The following TMEM131L variants were observed in gnomAD, a reference collection of about 807,000 sequenced individuals.
TMEM131L encodes transmembrane 131 like.
TMEM131L carries 54 observed loss-of-function variants against 192.2 expected under a neutral mutation model. That is an observed-to-expected ratio of 0.28 (90% CI 0.23 to 0.35). The LOEUF is 0.35. Ranked by LOEUF, TMEM131L falls within the 10% of genes least tolerant of loss-of-function variation. The pLI, the probability that TMEM131L is intolerant of heterozygous loss-of-function variation, is 1.00. For missense variants in TMEM131L, 1,888 were observed against 1,972.9 expected, an observed-to-expected ratio of 0.96 and a Z score of 0.82; for synonymous variants, 701 against 704.9, an observed-to-expected ratio of 0.99 and a Z score of 0.09.
intron 9 of TMEM131L, among the ~76,000 whole-genome samples, chr4:153,582,610 C>T (rs1298370648): frequency 6.6e-6 from 1 of 151,824 alleles, no homozygotes; most frequent in East Asian, 1.9e-4. Context: ...ACAGCCTTTA[C>T]CTTTCAGTCT....
At position 153,596,431 on chromosome 4, in the gene TMEM131L, A is replaced by G. The variant is rs753531512; in HGVS notation, c.2123+46A>G. Reference sequence around the variant, plus strand: ...GAATCTGTTTCTTTCTCAATGACTCATCTGTGTAAATCTCTTTAGCTGATA... The same window carrying G: ...GAATCTGTTTCTTTCTCAATGACTCGTCTGTGTAAATCTCTTTAGCTGATA... On this transcript the variant is annotated intron_variant, in intron 20 of 34. Transcript: ENST00000409959. The G allele has an allele frequency of 5.6e-6, 9 of 1,600,454 alleles. No homozygotes were observed. The South Asian group carries it at 6.6e-5, about 12-fold the overall frequency.
At chr4:153,482,872 T>G (rs1216235986) in intron 3 of TMEM131L, among the ~76,000 whole-genome samples, 1 of 152,216 alleles carries the variant, frequency 6.6e-6, no homozygotes, top group Non-Finnish European at 1.5e-5. Flanking sequence ...ATTACAGGCG[T>G]GAGCCATCGT....
chr4:153,635,409 T>G, intron 33 of TMEM131L, 23 bp from the exon 34 acceptor site: 1 of 1,611,160 alleles, frequency 6.2e-7, no homozygotes, highest in Non-Finnish European at 8.5e-7. Context: ...TTACCTATGA[T>G]GATATTCTCC....
chr4:153,492,204 G>T (rs1285910526), intron 3 of TMEM131L, among the ~76,000 whole-genome samples: 1 of 151,906 alleles, frequency 6.6e-6, no homozygotes, highest in African/African-American at 2.4e-5. Context: ...TTAAAAGATG[G>T]AGGTCTCACT....
chr4:153,570,483 A>G (rs2150603277), intron 7 of TMEM131L, among the ~76,000 whole-genome samples: 1 of 152,266 alleles, frequency 6.6e-6, no homozygotes, highest in South Asian at 2.1e-4. Context: ...ACCTGTGCAT[A>G]CCACTGCTCT....
In TMEM131L at chr4:153,636,502, A is replaced by G. The variant is rs142074405; in HGVS notation, c.4759A>G (p.Ile1587Val). The stretch of plus-strand genomic sequence containing the variant: ...GTTTCGCGCCTATATGAACCTGGAC[A>G]TATGGACTACCACAGCGAATAGGAA... ...NPFRAYMNLDIWTTTANRNAN... is the reference protein window; with the variant it reads ...NPFRAYMNLDVWTTTANRNAN... The change falls in exon 35 of 35, where the codon ATA (isoleucine) becomes GTA (valine). Residue 1587 changes from isoleucine (I) to valine (V), a missense_variant. By Grantham distance (29) the Ile-to-Val change is conservative. Transcript: ENST00000409959. The G allele has an allele frequency of 3.1e-6, 5 of 1,614,120 alleles. No homozygotes were observed. The African/African-American group carries it at 4.0e-5, about 13-fold the overall frequency.
At chr4:153,566,516 TGA>T (rs1554034166) in intron 7 of TMEM131L, among the ~76,000 whole-genome samples, 18 of 112,824 alleles carry the variant, frequency 1.6e-4, no homozygotes, top group African/African-American at 2.0e-4. Flanking sequence ...TGTGTGAGTG[TGA>T]GTGTGTGTGT....
intron 3 of TMEM131L, among the ~76,000 whole-genome samples, chr4:153,540,186 A>G (rs991637081): frequency 6.6e-6 from 1 of 152,176 alleles, no homozygotes; most frequent in African/African-American, 2.4e-5. Flanking sequence ...GTTTTAGTAA[A>G]ATATTATTCC....
chr4:153,634,130 AT>A (rs1734407355), intron 32 of TMEM131L, 61 bp from the exon 33 acceptor site: 4 of 1,411,254 alleles, frequency 2.8e-6, no homozygotes, highest in Non-Finnish European at 3.0e-6. Flanking sequence ...ATCATTTTCC[AT>A]TTTCTTTACT....
intron 3 of TMEM131L, among the ~76,000 whole-genome samples, chr4:153,486,787 GAGTGGTGGAACCA>G (rs1732368014): frequency 1.3e-5 from 2 of 152,228 alleles, no homozygotes; most frequent in African/African-American, 2.4e-5. Flanking sequence ...CACGCCTGTG[GAGTGGTGGAACCA>G]CGTGATCAGC....
chr4:153,467,165 T>G lies in TMEM131L; in HGVS notation c.125-46T>G, dbSNP rs1046954823. The stretch of plus-strand genomic sequence containing the variant: ...CGGTAGGGGAAACAGGAAGCGTTTC[T>G]TTAGCGTGCATTAAAAACGTGGTGT... On this transcript the variant is annotated intron_variant, in intron 1 of 34. Coordinates refer to ENST00000409959, the MANE Select transcript of TMEM131L (RefSeq NM_001131007.2). 6 of 1,535,282 alleles carry G rather than the reference T, an allele frequency of 3.9e-6. No homozygotes were observed. The African/African-American group carries it at 6.9e-5, about 18-fold the overall frequency.
chr4:153,518,882 G>A (rs1199675173), intron 3 of TMEM131L, among the ~76,000 whole-genome samples: 1 of 152,094 alleles, frequency 6.6e-6, no homozygotes, highest in East Asian at 1.9e-4. Context: ...GCCCTTTTCT[G>A]TTTACTCCAT....
chr4:153,540,283 A>C (rs963284043), intron 3 of TMEM131L, among the ~76,000 whole-genome samples: 1 of 152,182 alleles, frequency 6.6e-6, no homozygotes, highest in Non-Finnish European at 1.5e-5. Context: ...TTTTTATCTT[A>C]TCAGCCTTTC....
At chr4:153,623,665 A>G (rs1733613331) in intron 29 of TMEM131L, among the ~76,000 whole-genome samples, 2 of 152,232 alleles carry the variant, frequency 1.3e-5, no homozygotes, top group Non-Finnish European at 2.9e-5. Flanking sequence ...GTTCAAAAAC[A>G]TTGTAGCATG....
chr4:153,586,295 A>G lies in TMEM131L; in HGVS notation c.1398A>G (p.Ile466Met). Reference sequence around the variant, plus strand: ...AACTTGCTGTTAAAGACATTGCCATAAATCTATTCACCAATGTATTTTTGA... The same window carrying G: ...AACTTGCTGTTAAAGACATTGCCATGAATCTATTCACCAATGTATTTTTGA... ...SLKLAVKDIA[I>M]NLFTNVFLTT... The change falls in exon 14 of 35, where the codon ATA becomes ATG. Residue 466 changes from isoleucine (I) to methionine (M), a missense_variant. Transcript: ENST00000409959. 2 of 1,605,026 alleles carry G rather than the reference A, an allele frequency of 1.2e-6. No homozygotes were observed. The highest frequency in any genetic ancestry group is 1.3e-5 in the African/African-American group (1 of 74,638).
At chr4:153,485,598 G>C (rs1250973958) in intron 3 of TMEM131L, among the ~76,000 whole-genome samples, 3 of 152,206 alleles carry the variant, frequency 2.0e-5, no homozygotes, top group Non-Finnish European at 2.9e-5. Context: ...TTTGAGGGTT[G>C]TAACTACCTT....
At chr4:153,480,065 C>G (rs1385675762) in intron 3 of TMEM131L, among the ~76,000 whole-genome samples, 1 of 152,154 alleles carries the variant, frequency 6.6e-6, no homozygotes, top group African/African-American at 2.4e-5. Context: ...ATAGGCTGGG[C>G]GCGGTGGCTC....
At chr4:153,553,871 A>G (rs1297462036) in intron 4 of TMEM131L, among the ~76,000 whole-genome samples, 1 of 152,224 alleles carries the variant, frequency 6.6e-6, no homozygotes, top group Admixed American at 6.5e-5. Flanking sequence ...CTAGTGAAGG[A>G]AATTTATATC....
At chr4:153,552,307 G>C (rs1161584081) in intron 4 of TMEM131L, among the ~76,000 whole-genome samples, 1 of 152,162 alleles carries the variant, frequency 6.6e-6, no homozygotes, top group East Asian at 1.9e-4. Flanking sequence ...AATAGTAGTA[G>C]TAAGTATAGC....
Sources: gnomAD v4.1 joint callset for allele counts (sites outside exome capture counted in the v4.1 genomes callset) on GRCh38, gnomAD v4.1.1 for gene constraint, MANE v1.5 for transcripts, NCBI Gene and HGNC (gene_info 2026-07-23, HGNC 2026-07-21) for gene names.